The following UBASH3B variants were observed in gnomAD, a reference collection of about 807,000 sequenced individuals.
The protein encoded by UBASH3B is ubiquitin-associated and SH3 domain-containing protein B.
Under a neutral mutation model 83.4 loss-of-function variants are expected in UBASH3B, and 37 were observed. The ratio of observed to expected loss-of-function variants is 0.44; its 90% CI spans 0.34 to 0.58. UBASH3B has a LOEUF of 0.58. Ranked by LOEUF, UBASH3B falls within the 20% of genes least tolerant of loss-of-function variation. UBASH3B has a pLI of 0.01. For synonymous variants in UBASH3B, 304 were observed against 318.3 expected (o/e 0.96, Z 0.48); for missense variants, 657 against 827.2 (o/e 0.79, Z 2.52).
At chr11:122,697,895 A>G (rs900258270) in intron 1 of UBASH3B, among the ~76,000 whole-genome samples, 15 of 152,210 alleles carry the variant, frequency 9.9e-5, no homozygotes, top group African/African-American at 3.6e-4. Flanking sequence ...ATACCTCCTC[A>G]TTTAATTCTC....
In UBASH3B at chr11:122,689,619, T is replaced by A. The variant is rs76100976; in HGVS notation, c.161+33409T>A. ...GGCAAGCAGCGGACACCAGCTAGTA[T>A]CCTCCAATTCAGTTCCAACACTGTC... On this transcript the variant is annotated intron_variant, in intron 1 of 13. Transcript: ENST00000284273. Among the ~76,000 whole-genome samples, 713 of 152,182 alleles carry A rather than the reference T, an allele frequency of 4.7e-3. 8 individuals carry two copies. The highest frequency in any genetic ancestry group is 0.016 in the African/African-American group (668 of 41,518).
chr11:122,767,557 C>T (rs1036815181), intron 1 of UBASH3B, among the ~76,000 whole-genome samples: 6 of 152,120 alleles, frequency 3.9e-5, no homozygotes, highest in Admixed American at 1.3e-4. Flanking sequence ...GTGATCCACC[C>T]GCCTCGGCCT....
rs1861155689 is a variant in UBASH3B, at chr11:122,796,294, C to G, written c.1234+18C>G. ...TGCCAAAGGTGAGTTGGTGGTGGGC[C>G]TGCTCAGCACTGCCATACCCATAGT... On this transcript the variant is annotated intron_variant, in intron 8 of 13. Coordinates refer to ENST00000284273, the MANE Select transcript of UBASH3B (RefSeq NM_032873.5). 1 of 1,613,162 alleles carries G rather than the reference C, an allele frequency of 6.2e-7. No homozygotes were observed. The highest frequency in any genetic ancestry group is 1.3e-5 in the African/African-American group (1 of 75,040).
intron 6 of UBASH3B, among the ~76,000 whole-genome samples, chr11:122,790,936 G>T (rs1861042278): frequency 6.6e-6 from 1 of 151,096 alleles, no homozygotes; most frequent in South Asian, 2.1e-4. Flanking sequence ...GGGCAACAGA[G>T]CAAGACTTTG....
At chr11:122,721,928 A>G (rs1860645691) in intron 1 of UBASH3B, among the ~76,000 whole-genome samples, 1 of 152,260 alleles carries the variant, frequency 6.6e-6, no homozygotes, top group African/African-American at 2.4e-5. Flanking sequence ...AAAGAATGAC[A>G]TTCATAGAAG....
chr11:122,689,025 C>T (rs1297341620), intron 1 of UBASH3B, among the ~76,000 whole-genome samples: 2 of 150,896 alleles, frequency 1.3e-5, no homozygotes, highest in African/African-American at 4.9e-5. Flanking sequence ...GTCTCGAACT[C>T]CTGACCTCAA....
At chr11:122,733,734 T>G (rs893149999) in intron 1 of UBASH3B, among the ~76,000 whole-genome samples, 3 of 152,222 alleles carry the variant, frequency 2.0e-5, no homozygotes, top group African/African-American at 7.2e-5. Context: ...AATAGAGGTA[T>G]GTATAGCACT....
intron 5 of UBASH3B, among the ~76,000 whole-genome samples, chr11:122,783,624 A>G (rs1860896443): frequency 6.6e-6 from 1 of 152,112 alleles, no homozygotes; most frequent in Admixed American, 6.6e-5. Context: ...AAGAAAACAA[A>G]ACAAAAAACA....
rs1174457675 is a variant in UBASH3B, at chr11:122,768,506, GTGTA to G, written c.162-7711_162-7708del. Reference sequence around the variant, plus strand: ...TGTGTGTGTGTGTGTGTGTGTGTGTGTGTATATATATATATTTGAGACTGAGCCT... The same window carrying G: ...TGTGTGTGTGTGTGTGTGTGTGTGTGTATATATATATTTGAGACTGAGCCT... On this transcript the variant is annotated intron_variant, in intron 1 of 13. Coordinates refer to ENST00000284273, the MANE Select transcript of UBASH3B (RefSeq NM_032873.5). Among the ~76,000 whole-genome samples the G allele has an allele frequency of 5.3e-3, 669 of 126,164 alleles. 6 individuals are homozygous for G. The highest frequency in any genetic ancestry group is 0.019 in the African/African-American group (647 of 33,758). 82.8% of individuals were successfully genotyped at this position (126,164 alleles called of 152,430 possible). A position where few individuals can be genotyped will look rare whatever the true frequency, so the allele number is the denominator to read the frequency against.
chr11:122,805,451 G>A (rs978399720), intron 11 of UBASH3B, among the ~76,000 whole-genome samples: 1 of 152,198 alleles, frequency 6.6e-6, no homozygotes, highest in Non-Finnish European at 1.5e-5. Flanking sequence ...AGAATTGCTT[G>A]AACTCAGGAG....
rs34663505 is a variant in UBASH3B, at chr11:122,661,859, C to CAA, written c.161+5662_161+5663dup. On this transcript the variant is annotated intron_variant, in intron 1 of 13. Coordinates refer to ENST00000284273, the MANE Select transcript of UBASH3B (RefSeq NM_032873.5). ...TCCAGGCTACACGAGGTCCTGGTTCCAAAAAAAAAAAAAACAAAAAAAAAA... is the reference window on the plus strand; with the variant it reads ...TCCAGGCTACACGAGGTCCTGGTTCCAAAAAAAAAAAAAAAACAAAAAAAAAA... 9.9e-3 allele frequency among the ~76,000 whole-genome samples: 1,049 copies of CAA among 105,452 alleles called. 15 individuals are homozygous for CAA. The highest frequency in any genetic ancestry group is 0.034 in the African/African-American group (997 of 29,030). 69.2% of individuals were successfully genotyped at this position (105,452 alleles called of 152,430 possible). A position where few individuals can be genotyped will look rare whatever the true frequency, so the allele number is the denominator to read the frequency against.
chr11:122,753,783 C>A (rs1861240049), intron 1 of UBASH3B, among the ~76,000 whole-genome samples: 1 of 152,202 alleles, frequency 6.6e-6, no homozygotes, highest in East Asian at 1.9e-4. Context: ...GCGTGAGCCA[C>A]CGTGCCCGGC....
In UBASH3B at chr11:122,768,508, G is replaced by GTGTGTGTGTGTGTA. The variant is rs557159523; in HGVS notation, c.162-7710_162-7709insGTGTGTGTGTGTAT. ...TGTGTGTGTGTGTGTGTGTGTGTGTGTATATATATATATTTGAGACTGAGC... is the reference window on the plus strand; with the variant it reads ...TGTGTGTGTGTGTGTGTGTGTGTGTGTGTGTGTGTGTGTATATATATATATATTTGAGACTGAGC... On this transcript the variant is annotated intron_variant, in intron 1 of 13. Transcript: ENST00000284273. 4.3e-3 allele frequency among the ~76,000 whole-genome samples: 582 copies of GTGTGTGTGTGTGTA among 134,358 alleles called. 3 individuals are homozygous for GTGTGTGTGTGTGTA. Among genetic ancestry groups the GTGTGTGTGTGTGTA allele is most frequent in the Middle Eastern group, 0.012 (3 of 250 alleles). The allele number at this position is 134,358 out of a possible 152,430, so 88.1% of individuals were successfully genotyped here.
At position 122,810,034 on chromosome 11, in the gene UBASH3B, G is replaced by C; in HGVS notation, c.*148G>C. The C allele has an allele frequency of 1.0e-6, 1 of 968,682 alleles. No individual in the cohort carries two copies. The highest frequency in any genetic ancestry group is 1.5e-6 in the Non-Finnish European group (1 of 669,254). 60.0% of individuals were successfully genotyped at this position (968,682 alleles called of 1,614,324 possible). On this transcript the variant is annotated 3_prime_UTR_variant, in exon 14 of 14. Transcript: ENST00000284273. Reference sequence around the variant, plus strand: ...TTCACACTTAAAGTTCTTAAGATGAGACTGTGTAAATGAGAGAAAGACTTG... The same window carrying C: ...TTCACACTTAAAGTTCTTAAGATGACACTGTGTAAATGAGAGAAAGACTTG...
At chr11:122,742,737 T>G (rs1861046747) in intron 1 of UBASH3B, among the ~76,000 whole-genome samples, 1 of 152,204 alleles carries the variant, frequency 6.6e-6, no homozygotes, top group African/African-American at 2.4e-5. Flanking sequence ...TGGGAAAATG[T>G]TTTAAATCAC....
At chr11:122,682,256 C>T (rs111615576) in intron 1 of UBASH3B, among the ~76,000 whole-genome samples, 2,125 of 152,256 alleles carry the variant, frequency 0.014, 47 homozygotes, top group African/African-American at 0.049. Flanking sequence ...GATGGTACAA[C>T]GGAGCCACCA....
At chr11:122,688,352 CT>C (rs1490742677) in intron 1 of UBASH3B, among the ~76,000 whole-genome samples, 14 of 152,138 alleles carry the variant, frequency 9.2e-5, no homozygotes, top group South Asian at 2.1e-4. Flanking sequence ...TAACCTCCGC[CT>C]CCCTGATTCA....
At chr11:122,693,365 GTGGGCACAC>G in intron 1 of UBASH3B, among the ~76,000 whole-genome samples, 1 of 152,328 alleles carries the variant, frequency 6.6e-6, no homozygotes, top group East Asian at 1.9e-4. Flanking sequence ...TAAGTGTGTG[GTGGGCACAC>G]TGAGAAGAAC....
intron 1 of UBASH3B, among the ~76,000 whole-genome samples, chr11:122,668,555 T>C (rs1484623718): frequency 1.3e-5 from 2 of 152,256 alleles, no homozygotes; most frequent in East Asian, 3.9e-4. Context: ...TAGACAGTAG[T>C]CTCAGTCACC....
Sources: gnomAD v4.1 joint callset for allele counts (sites outside exome capture counted in the v4.1 genomes callset) on GRCh38, gnomAD v4.1.1 for gene constraint, MANE v1.5 for transcripts, NCBI Gene and HGNC (gene_info 2026-07-23, HGNC 2026-07-21) for gene names.